The following SNX3 variants were observed in gnomAD, a reference collection of about 807,000 sequenced individuals.
SNX3 encodes the protein sorting nexin-3.
A neutral mutation model predicts 17.7 loss-of-function variants in SNX3; 5 were observed. The observed-to-expected ratio is 0.28, with a 90% CI of 0.15 to 0.59. SNX3 has a LOEUF of 0.59. Ranked by LOEUF, SNX3 falls within the 20% of genes least tolerant of loss-of-function variation. SNX3 has a pLI of 0.88. For synonymous variants in SNX3, 91 were observed against 76.5 expected (o/e 1.19, Z -0.99); for missense variants, 132 against 206.8 (o/e 0.64, Z 2.22).
intron 1 of SNX3, among the ~76,000 whole-genome samples, chr6:108,254,368 G>A (rs1775969734): frequency 6.6e-6 from 1 of 152,084 alleles, no homozygotes; most frequent in Admixed American, 6.6e-5. Flanking sequence ...GGAGGCGAAG[G>A]TTGGGAGGGT....
At chr6:108,220,417 T>C (rs1463406676) in intron 2 of SNX3, among the ~76,000 whole-genome samples, 2 of 152,136 alleles carry the variant, frequency 1.3e-5, no homozygotes, top group Non-Finnish European at 2.9e-5. Flanking sequence ...CTTTTATATG[T>C]TTAGATGCAC....
At chr6:108,225,556 G>A (rs1000840338) in intron 1 of SNX3, among the ~76,000 whole-genome samples, 2 of 151,164 alleles carry the variant, frequency 1.3e-5, no homozygotes, top group African/African-American at 4.9e-5. Context: ...GCTTGAACCC[G>A]GGAGGTGGAG....
Position 108,218,629 on chromosome 6 carries a change from G to A in SNX3, c.259-4007C>T, listed in dbSNP as rs2114709192. Reference sequence around the variant, plus strand: ...GTAGAACAAAATGTCCACCAAATAAGTGTATAAATAAGATGTGGTATAAGC... The same window carrying A: ...GTAGAACAAAATGTCCACCAAATAAATGTATAAATAAGATGTGGTATAAGC... On this transcript the variant is annotated intron_variant, in intron 2 of 3. Coordinates refer to ENST00000230085, the MANE Select transcript of SNX3 (RefSeq NM_003795.6). Among the ~76,000 whole-genome samples, 3 of 152,312 alleles carry A rather than the reference G, an allele frequency of 2.0e-5. 1 individual carries two copies. In the Middle Eastern group the frequency reaches 0.01, roughly 518 times the overall value.
At chr6:108,223,722 C>CA (rs1774888023) in intron 1 of SNX3, among the ~76,000 whole-genome samples, 1 of 151,262 alleles carries the variant, frequency 6.6e-6, no homozygotes, top group Admixed American at 6.6e-5. Context: ...CTGGTGGTCT[C>CA]AAACTCCTGA....
chr6:108,239,091 C>T (rs999388329), intron 1 of SNX3, among the ~76,000 whole-genome samples: 1 of 151,952 alleles, frequency 6.6e-6, no homozygotes, highest in Non-Finnish European at 1.5e-5. Flanking sequence ...TTAGTAGAGA[C>T]GGGGTTTCGC....
intron 1 of SNX3, among the ~76,000 whole-genome samples, chr6:108,223,777 C>T (rs890483072): frequency 1.4e-4 from 21 of 152,304 alleles, no homozygotes; most frequent in African/African-American, 4.8e-4. Context: ...GCTACGCTTA[C>T]AGGCCTGAGC....
chr6:108,224,473 G>C (rs1279859941), intron 1 of SNX3, among the ~76,000 whole-genome samples: 1 of 151,950 alleles, frequency 6.6e-6, no homozygotes, highest in Non-Finnish European at 1.5e-5. Context: ...GTGGAGAGGG[G>C]GTTTCACCGT....
Position 108,232,631 on chromosome 6 carries a change from C to T in SNX3, c.163-9586G>A, listed in dbSNP as rs577145938. On this transcript the variant is annotated intron_variant, in intron 1 of 3. Transcript: ENST00000230085. ...TCTAGTATTTCTTCAGATAGTGTCA[C>T]GTGTACATTTGAAAAGAGACTGGCA... is the stretch of plus-strand genomic sequence containing the variant. 7.2e-5 allele frequency among the ~76,000 whole-genome samples: 11 copies of T among 152,230 alleles called. 1 individual carries two copies. The South Asian group carries it at 1.9e-3, about 26-fold the overall frequency.
chr6:108,258,276 A>G (rs1435464809), intron 1 of SNX3, among the ~76,000 whole-genome samples: 2 of 151,584 alleles, frequency 1.3e-5, no homozygotes, highest in African/African-American at 4.8e-5. Context: ...TGACCAACAC[A>G]GTGAAATCCC....
At chr6:108,241,113 G>C (rs1049529031) in intron 1 of SNX3, among the ~76,000 whole-genome samples, 4 of 131,902 alleles carry the variant, frequency 3.0e-5, no homozygotes, top group Non-Finnish European at 6.1e-5. Flanking sequence ...CACTGCACTC[G>C]AGCCTGAGCG....
Position 108,261,017 on chromosome 6 carries a change from C to A in SNX3, c.-96G>T. On this transcript the variant is annotated 5_prime_UTR_variant, in exon 1 of 4. Transcript: ENST00000230085. ...TGCTGCCCGCCGTGGGGACACGGGG[C>A]TCGCGCGCAGCGGTCGCGAAGAGAA... 3 of 1,208,694 alleles carry A rather than the reference C, an allele frequency of 2.5e-6. No individual in the cohort carries two copies. Among genetic ancestry groups the A allele is most frequent in the Non-Finnish European group, 3.2e-6 (3 of 924,384 alleles). The allele number at this position is 1,208,694 out of a possible 1,614,324, so 74.9% of individuals were successfully genotyped here.
intron 2 of SNX3, among the ~76,000 whole-genome samples, chr6:108,220,384 CCA>C (rs1774725478): frequency 6.6e-6 from 1 of 152,008 alleles, no homozygotes; most frequent in Non-Finnish European, 1.5e-5. Context: ...AAAAAGTCTT[CCA>C]CGCTGTATTT....
At chr6:108,252,644 T>C (rs1775899322) in intron 1 of SNX3, 1 of 152,200 alleles carries the variant, frequency 6.6e-6, no homozygotes, top group Admixed American at 6.5e-5. Flanking sequence ...TTGGAGCCTG[T>C]TGCACATTTA....
intron 1 of SNX3, among the ~76,000 whole-genome samples, chr6:108,228,981 T>C (rs1230322472): frequency 6.6e-6 from 1 of 152,134 alleles, no homozygotes; most frequent in Non-Finnish European, 1.5e-5. Context: ...AGTTTCAGGC[T>C]GGGTGCGGTG....
In SNX3 at chr6:108,211,958, G is replaced by C; in HGVS notation, c.*191C>G. ...AAGAGCTATTTATATAGAAAGGCTG[G>C]AATGAGGGATTTTTACTAAAGCAAA... On this transcript the variant is annotated 3_prime_UTR_variant, in exon 4 of 4. Transcript: ENST00000230085. The C allele has an allele frequency of 2.0e-6, 1 of 497,050 alleles. No homozygotes were observed. The highest frequency in any genetic ancestry group is 3.5e-6 in the Non-Finnish European group (1 of 282,668). The allele number at this position is 497,050 out of a possible 1,614,324, so 30.8% of individuals were successfully genotyped here.
intron 1 of SNX3, among the ~76,000 whole-genome samples, chr6:108,253,416 T>C (rs977089994): frequency 2.7e-5 from 4 of 149,830 alleles, no homozygotes; most frequent in African/African-American, 9.9e-5. Flanking sequence ...TTTTTTTTAC[T>C]TCTGGCTTAC....
rs146831620 is a variant in SNX3 at position 108,217,177 on chromosome 6, T to C, written c.259-2555A>G. ...TTAAGAAAAGGATAGCTCAAGGATG[T>C]CAGTTAAAGAAAGAAGGAAAATGAT... On this transcript the variant is annotated intron_variant, in intron 2 of 3. Transcript: ENST00000230085. 1.9e-3 allele frequency among the ~76,000 whole-genome samples: 284 copies of C among 151,988 alleles called. 2 individuals carry two copies. Among genetic ancestry groups the C allele is most frequent in the African/African-American group, 6.6e-3 (274 of 41,506 alleles).
intron 2 of SNX3, among the ~76,000 whole-genome samples, chr6:108,221,953 C>T (rs1259532282): frequency 1.3e-5 from 2 of 152,004 alleles, no homozygotes; most frequent in Non-Finnish European, 2.9e-5. Flanking sequence ...GATGGGGCCT[C>T]ACTATGTTCC....
chr6:108,247,420 T>G (rs1179879157), intron 1 of SNX3, among the ~76,000 whole-genome samples: 1 of 151,944 alleles, frequency 6.6e-6, no homozygotes. Context: ...TAGGCTGGAG[T>G]GCAGTGGCAC....
Sources: allele counts gnomAD v4.1 joint callset (sites outside exome capture counted in the v4.1 genomes callset), GRCh38; gene constraint gnomAD v4.1.1; transcripts MANE v1.5; gene names NCBI Gene and HGNC (gene_info 2026-07-23, HGNC 2026-07-21).